The following MOXD1 variants were observed in gnomAD, a reference collection of about 807,000 sequenced individuals.
MOXD1 encodes DBH-like monooxygenase protein 1.
In MOXD1, 62 loss-of-function variants were observed where a neutral mutation model predicts 66.6. The ratio of observed to expected loss-of-function variants is 0.93; its 90% CI spans 0.76 to 1.15. The LOEUF is 1.15. Among genes scored for constraint, MOXD1 ranks in the 50% most tolerant of loss-of-function variants. The pLI, the probability that MOXD1 is intolerant of heterozygous loss-of-function variation, is 0.00. For missense variants in MOXD1, 847 were observed against 754.6 expected, an observed-to-expected ratio of 1.12 and a Z score of -1.44; for synonymous variants, 303 against 281.9, an observed-to-expected ratio of 1.07 and a Z score of -0.75.
In MOXD1 at chr6:132,364,111, G is replaced by T. The variant is rs190641477; in HGVS notation, c.663+8497C>A. Among the ~76,000 whole-genome samples the T allele has an allele frequency of 2.2e-3, 342 of 152,252 alleles. 2 individuals carry two copies. Among genetic ancestry groups the T allele is most frequent in the Non-Finnish European group, 2.4e-3 (165 of 68,010 alleles). Reference sequence around the variant, plus strand: ...TGGCATTATTTTAAGGCCATAGAATGGAAGACTAATGGGTGACTTAAGAAT... The same window carrying T: ...TGGCATTATTTTAAGGCCATAGAATTGAAGACTAATGGGTGACTTAAGAAT... On this transcript the variant is annotated intron_variant, in intron 4 of 11. Coordinates refer to ENST00000367963, the MANE Select transcript of MOXD1 (RefSeq NM_015529.4).
chr6:132,355,997 C>T (rs370586109), intron 4 of MOXD1, among the ~76,000 whole-genome samples: 1 of 152,180 alleles, frequency 6.6e-6, no homozygotes, highest in Non-Finnish European at 1.5e-5. Flanking sequence ...AGAGCACTAG[C>T]GTTTCTGTCT....
At chr6:132,399,261 T>C (rs1048884883) in intron 1 of MOXD1, among the ~76,000 whole-genome samples, 6 of 152,184 alleles carry the variant, frequency 3.9e-5, no homozygotes, top group Non-Finnish European at 8.8e-5. Flanking sequence ...AGGTAAAATA[T>C]GTCAGCCAAG....
At chr6:132,385,893 G>C (rs534556527) in intron 1 of MOXD1, among the ~76,000 whole-genome samples, 1 of 151,802 alleles carries the variant, frequency 6.6e-6, no homozygotes, top group East Asian at 2.0e-4. Flanking sequence ...CACGAGGTCA[G>C]GAGATCGAGA....
chr6:132,382,607 A>G (rs1463077693), intron 1 of MOXD1, among the ~76,000 whole-genome samples: 1 of 152,160 alleles, frequency 6.6e-6, no homozygotes, highest in Non-Finnish European at 1.5e-5. Context: ...TAATAAAGCT[A>G]GTTTTCAGTT....
At chr6:132,346,280 T>G (rs936478530) in intron 4 of MOXD1, among the ~76,000 whole-genome samples, 3 of 152,196 alleles carry the variant, frequency 2.0e-5, no homozygotes, top group African/African-American at 7.2e-5. Flanking sequence ...TAATAAAAGT[T>G]TTCATATCCT....
At chr6:132,363,125 G>A (rs1051559928) in intron 4 of MOXD1, among the ~76,000 whole-genome samples, 6 of 151,664 alleles carry the variant, frequency 4.0e-5, no homozygotes, top group South Asian at 2.1e-4. Context: ...CATTAATTCC[G>A]TAGGACTCAA....
At chr6:132,309,511 C>A (rs556101484) in intron 10 of MOXD1, among the ~76,000 whole-genome samples, 40 of 152,156 alleles carry the variant, frequency 2.6e-4, no homozygotes, top group Non-Finnish European at 5.0e-4. Flanking sequence ...ACAGAATTAG[C>A]AACAACTATT....
chr6:132,374,322 G>C (rs897384843), intron 2 of MOXD1, among the ~76,000 whole-genome samples: 52 of 151,906 alleles, frequency 3.4e-4, no homozygotes, highest in African/African-American at 1.0e-3. Context: ...TTTATCTGTT[G>C]TGTATTTTCA....
intron 4 of MOXD1, among the ~76,000 whole-genome samples, chr6:132,332,784 T>G (rs1775350037): frequency 6.6e-6 from 1 of 152,162 alleles, no homozygotes; most frequent in Admixed American, 6.5e-5. Context: ...CCACAACAAG[T>G]TCTACAAACA....
intron 4 of MOXD1, among the ~76,000 whole-genome samples, chr6:132,355,988 G>C (rs1775902603): frequency 6.6e-6 from 1 of 152,164 alleles, no homozygotes; most frequent in Non-Finnish European, 1.5e-5. Flanking sequence ...AGACACAGAA[G>C]AGCACTAGCG....
intron 10 of MOXD1, among the ~76,000 whole-genome samples, chr6:132,313,914 T>A (rs956139396): frequency 6.6e-6 from 1 of 152,090 alleles, no homozygotes; most frequent in African/African-American, 2.4e-5. Flanking sequence ...AAACTCTGTC[T>A]CAAAAAAACA....
chr6:132,333,886 A>C (rs1483042250), intron 4 of MOXD1, among the ~76,000 whole-genome samples: 1 of 152,234 alleles, frequency 6.6e-6, no homozygotes, highest in Non-Finnish European at 1.5e-5. Flanking sequence ...AGAAAGGGAA[A>C]GACTTCAACC....
chr6:132,328,221 C>T (rs1017195029), intron 5 of MOXD1, 106 bp from the exon 6 acceptor site: 4 of 1,210,442 alleles, frequency 3.3e-6, no homozygotes, highest in Admixed American at 2.3e-5. Context: ...CTCTGGAACC[C>T]CATTCATCTA....
At chr6:132,308,083 G>GT (rs1487481222) in intron 10 of MOXD1, among the ~76,000 whole-genome samples, 1 of 131,396 alleles carries the variant, frequency 7.6e-6, no homozygotes, top group East Asian at 2.2e-4. Context: ...CCAGGAAGTG[G>GT]TTTTTTGAAA....
chr6:132,386,051 C>T (rs1250483817), intron 1 of MOXD1, among the ~76,000 whole-genome samples: 1 of 142,836 alleles, frequency 7.0e-6, no homozygotes, highest in Non-Finnish European at 1.5e-5. Context: ...TGCAGTGAGC[C>T]GAGATCGCGC....
At chr6:132,396,552 C>T (rs537898282) in intron 1 of MOXD1, among the ~76,000 whole-genome samples, 1 of 94,214 alleles carries the variant, frequency 1.1e-5, no homozygotes, top group Admixed American at 1.0e-4. Context: ...CTAAACAAAA[C>T]AGAGACAAAA....
Position 132,308,644 on chromosome 6 carries a change from C to T in MOXD1, c.1508+6991G>A, listed in dbSNP as rs188974773. Among the ~76,000 whole-genome samples, 10 of 152,276 alleles carry T rather than the reference C, an allele frequency of 6.6e-5. No individual in the cohort carries two copies. In the East Asian group the frequency reaches 1.9e-3, roughly 29 times the overall value. On this transcript the variant is annotated intron_variant, in intron 10 of 11. Transcript: ENST00000367963. The stretch of plus-strand genomic sequence containing the variant: ...CAATAAAATACTGGCAAACCAAATC[C>T]AGCAGCACATCAAAAAACTTATCCA...
chr6:132,349,268 A>G (rs1775733526), intron 4 of MOXD1, among the ~76,000 whole-genome samples: 1 of 150,516 alleles, frequency 6.6e-6, no homozygotes, highest in Non-Finnish European at 1.5e-5. Context: ...ACTTAGAATA[A>G]TAGTCTCCAG....
At chr6:132,386,036 T>G (rs188691696) in intron 1 of MOXD1, among the ~76,000 whole-genome samples, 13,873 of 113,938 alleles carry the variant, frequency 0.12, 970 homozygotes, top group East Asian at 0.42. Flanking sequence ...CCAGGAGGCG[T>G]AGCTTGCAGT....
Sources: allele counts gnomAD v4.1 joint callset (sites outside exome capture counted in the v4.1 genomes callset), GRCh38; gene constraint gnomAD v4.1.1; transcripts MANE v1.5; gene names NCBI Gene and HGNC (gene_info 2026-07-23, HGNC 2026-07-21).